Variants in MBD2 observed in about 807,000 individuals in gnomAD.
MBD2 encodes the protein methyl-CpG-binding domain protein 2.
In MBD2, 9 loss-of-function variants were observed where a neutral mutation model predicts 39.3. That is an observed-to-expected ratio of 0.23 (90% confidence interval 0.14 to 0.40). The LOEUF (loss-of-function observed/expected upper bound fraction) is 0.40. Among genes scored for constraint, MBD2 ranks in the 10% least tolerant of loss-of-function variants. The pLI, the probability that MBD2 is intolerant of heterozygous loss-of-function variation, is 1.00. For missense variants in MBD2, 458 were observed against 532.6 expected (o/e 0.86, Z 1.38); for synonymous variants, 233 against 211.1 (o/e 1.10, Z -0.90).
chr18:54,217,210 T>C (rs1057240727), intron 1 of MBD2, among the ~76,000 whole-genome samples: 5 of 152,220 alleles, frequency 3.3e-5, no homozygotes, highest in Admixed American at 1.3e-4. Context: ...TAATTTTAAA[T>C]TTTATTATTT....
chr18:54,163,680 T>C (rs1176303052), intron 5 of MBD2, among the ~76,000 whole-genome samples: 1 of 152,128 alleles, frequency 6.6e-6, no homozygotes. Flanking sequence ...TCAGTAGACA[T>C]AGTTTGTGTC....
intron 5 of MBD2, among the ~76,000 whole-genome samples, chr18:54,164,090 T>G (rs1390877420): frequency 1.3e-5 from 2 of 152,074 alleles, no homozygotes; most frequent in Non-Finnish European, 1.5e-5. Flanking sequence ...CTCACTGTGT[T>G]GCCCAGGCTG....
chr18:54,197,300 T>G (rs1171064805), intron 2 of MBD2, among the ~76,000 whole-genome samples: 2 of 152,210 alleles, frequency 1.3e-5, no homozygotes, highest in African/African-American at 2.4e-5. Context: ...TCAGACAGCA[T>G]TCTATACTAT....
intron 1 of MBD2, among the ~76,000 whole-genome samples, chr18:54,216,382 A>G (rs946317589): frequency 6.6e-6 from 1 of 152,370 alleles, no homozygotes; most frequent in African/African-American, 2.4e-5. Context: ...TTTTTGGATT[A>G]ATAGAGAAAT....
chr18:54,180,897 CTTTTTCTTT>C (rs1234269490), intron 3 of MBD2, among the ~76,000 whole-genome samples: 4 of 105,352 alleles, frequency 3.8e-5, no homozygotes, highest in East Asian at 3.0e-4. Flanking sequence ...TTAATTTTTT[CTTTTTCTTT>C]TTTTTTTTTT....
intron 5 of MBD2, 104 bp from the exon 6 acceptor site, chr18:54,160,007 G>A (rs2086084060): frequency 1.5e-6 from 2 of 1,298,116 alleles, no homozygotes; most frequent in Non-Finnish European, 2.1e-6. Context: ...AAATTCCTAA[G>A]AAGAATAGAC....
intron 3 of MBD2, among the ~76,000 whole-genome samples, chr18:54,179,199 GA>G (rs370588916): frequency 1.3e-4 from 20 of 151,172 alleles, no homozygotes; most frequent in African/African-American, 4.4e-4. Flanking sequence ...CAAAAACAAA[GA>G]AAAAAAATGA....
At chr18:54,191,464 G>C (rs1053446091) in intron 2 of MBD2, among the ~76,000 whole-genome samples, 2 of 152,156 alleles carry the variant, frequency 1.3e-5, no homozygotes, top group Non-Finnish European at 2.9e-5. Flanking sequence ...CAGAATTCTA[G>C]CTTCTCTTAA....
At chr18:54,166,230 C>T in intron 3 of MBD2, 64 bp from the exon 4 acceptor site, 2 of 906,440 alleles carry the variant, frequency 2.2e-6, no homozygotes, top group Non-Finnish European at 3.6e-6. Flanking sequence ...CGCATCGATG[C>T]TGTTGAATAA....
chr18:54,170,887 G>A (rs191600470), intron 3 of MBD2, among the ~76,000 whole-genome samples: 44 of 152,278 alleles, frequency 2.9e-4, no homozygotes, highest in African/African-American at 1.0e-3. Flanking sequence ...AATTGTATGG[G>A]CAAGGAGGTA....
At chr18:54,211,585 C>T (rs967067170) in intron 1 of MBD2, among the ~76,000 whole-genome samples, 4 of 152,070 alleles carry the variant, frequency 2.6e-5, no homozygotes, top group African/African-American at 9.7e-5. Flanking sequence ...TTATTCATAT[C>T]TCCCATGTCT....
chr18:54,214,119 C>T (rs895620355), intron 1 of MBD2, among the ~76,000 whole-genome samples: 1 of 150,942 alleles, frequency 6.6e-6, no homozygotes, highest in African/African-American at 2.4e-5. Flanking sequence ...CCCAACTTTC[C>T]CACTGAGCAG....
intron 6 of MBD2, among the ~76,000 whole-genome samples, chr18:54,156,902 T>C (rs758382195): frequency 6.6e-6 from 1 of 151,960 alleles, no homozygotes; most frequent in Non-Finnish European, 1.5e-5. Context: ...AAAACCTCAA[T>C]TAGGTGACCC....
intron 3 of MBD2, chr18:54,187,586 G>T: frequency 1.8e-6 from 1 of 567,906 alleles, no homozygotes; most frequent in Non-Finnish European, 2.2e-6. Context: ...ATCACTGGGT[G>T]TGGTAGTAAA....
At chr18:54,196,195 A>G (rs980606415) in intron 2 of MBD2, among the ~76,000 whole-genome samples, 2 of 152,212 alleles carry the variant, frequency 1.3e-5, no homozygotes, top group African/African-American at 4.8e-5. Flanking sequence ...CATGATGTCT[A>G]TGCAGAAAAT....
rs559049093 is a variant in MBD2, at chr18:54,153,315, G to A, written c.*2009C>T. ...AGTGAGGGAATGGAAGAGGGTGGTA[G>A]GTTTGTGGGGACCAGGTGATGAAGT... On this transcript the variant is annotated 3_prime_UTR_variant, in exon 7 of 7. Coordinates refer to ENST00000256429, the MANE Select transcript of MBD2 (RefSeq NM_003927.5). 2 of 152,456 alleles carry A rather than the reference G, an allele frequency of 1.3e-5. No homozygotes were observed. The highest frequency in any genetic ancestry group is 3.9e-4 in the East Asian group (2 of 5,174). 9.4% of individuals were successfully genotyped at this position (152,456 alleles called of 1,614,324 possible). A position where few individuals can be genotyped will look rare whatever the true frequency, so the allele number is the denominator to read the frequency against.
At chr18:54,221,196 A>G (rs545644409) in intron 1 of MBD2, among the ~76,000 whole-genome samples, 1 of 152,272 alleles carries the variant, frequency 6.6e-6, no homozygotes, top group Non-Finnish European at 1.5e-5. Flanking sequence ...GATGGCTCAC[A>G]CCTGTAATCC....
intron 3 of MBD2, among the ~76,000 whole-genome samples, chr18:54,170,401 A>C (rs1280966708): frequency 2.0e-5 from 3 of 152,202 alleles, no homozygotes; most frequent in African/African-American, 7.2e-5. Context: ...GAGGATGAGA[A>C]AGAAACAGGG....
rs767664372 is a variant in MBD2, at chr18:54,175,823, G to A, written c.841-9657C>T. Among the ~76,000 whole-genome samples, 2 of 152,050 alleles carry A rather than the reference G, an allele frequency of 1.3e-5. 1 individual carries two copies. Among genetic ancestry groups the A allele is most frequent in the Admixed American group, 1.3e-4 (2 of 15,254 alleles). On this transcript the variant is annotated intron_variant, in intron 3 of 6. Coordinates refer to ENST00000256429, the MANE Select transcript of MBD2 (RefSeq NM_003927.5). ...CCTGTCCTACTTCACTGATACATTC[G>A]CCTGCCGTCAGGGGACTGAAGACAT...
Sources: gnomAD v4.1 joint callset for allele counts (sites outside exome capture counted in the v4.1 genomes callset) on GRCh38, gnomAD v4.1.1 for gene constraint, MANE v1.5 for transcripts, NCBI Gene and HGNC (gene_info 2026-07-23, HGNC 2026-07-21) for gene names.